F13A1: variants seen among roughly 807,000 people sequenced by gnomAD.
The protein encoded by F13A1 is coagulation factor XIII A chain.
In F13A1, 47 loss-of-function variants were observed where a neutral mutation model predicts 80.1. The ratio of observed to expected loss-of-function variants is 0.59; its 90% CI spans 0.46 to 0.75. The LOEUF is 0.75. Among genes scored for constraint, F13A1 ranks in the 30% least tolerant of loss-of-function variants. The pLI is 0.00. For synonymous variants in F13A1, 349 were observed against 344.9 expected (o/e 1.01, Z -0.13); for missense variants, 817 against 930.4 (o/e 0.88, Z 1.59).
chr6:6,240,536 C>T (rs1293284079), intron 6 of F13A1, among the ~76,000 whole-genome samples: 1 of 152,124 alleles, frequency 6.6e-6, no homozygotes, highest in East Asian at 1.9e-4. Context: ...AACTCATGAC[C>T]CACCCCCAGT....
At chr6:6,173,020 C>T (rs1760803212) in intron 12 of F13A1, among the ~76,000 whole-genome samples, 1 of 152,128 alleles carries the variant, frequency 6.6e-6, no homozygotes, top group African/African-American at 2.4e-5. Flanking sequence ...TATTTGTACA[C>T]TTTTCTCTTC....
Position 6,215,132 on chromosome 6 carries a change from A to G in F13A1, c.1112+6901T>C, listed in dbSNP as rs999264225. On this transcript the variant is annotated intron_variant, in intron 8 of 14. Transcript: ENST00000264870. ...AGGAACTGGTACCATTCTTTCTGAA[A>G]CTATTCCAATCAATAGAAAAAGAGG... Among the ~76,000 whole-genome samples, 48 of 127,094 alleles carry G rather than the reference A, an allele frequency of 3.8e-4. 1 individual carries two copies. In the East Asian group the frequency reaches 7.0e-3, roughly 18 times the overall value. The allele number at this position is 127,094 out of a possible 152,430, so 83.4% of individuals were successfully genotyped here.
intron 10 of F13A1, among the ~76,000 whole-genome samples, chr6:6,193,741 T>C (rs755639737): frequency 2.0e-5 from 3 of 152,168 alleles, no homozygotes; most frequent in Non-Finnish European, 2.9e-5. Flanking sequence ...TTCTCCTTCT[T>C]TGCAGCAATA....
rs148760233 is a variant in F13A1, at chr6:6,218,849, C to T, written c.1112+3184G>A. 2.3e-3 allele frequency among the ~76,000 whole-genome samples: 343 copies of T among 152,198 alleles called. 1 individual carries two copies. The highest frequency in any genetic ancestry group is 2.9e-3 in the Non-Finnish European group (200 of 68,008). On this transcript the variant is annotated intron_variant, in intron 8 of 14. Transcript: ENST00000264870. ...TGTCACTCCTGGCTCTGGAGTGTGG[C>T]GAGCAGAATACACCTCTCACACCCT...
In F13A1 at chr6:6,320,644, G is replaced by GT. The variant is rs1758763149; in HGVS notation, c.-77_-76insA. ...GTGGGCTTGCTCTGTGCGCCTCGGG[G>GT]ACTTCCTCAAACGGACTCGGGAAAG... On this transcript the variant is annotated 5_prime_UTR_variant, in exon 1 of 15. Coordinates refer to ENST00000264870, the MANE Select transcript of F13A1 (RefSeq NM_000129.4). The GT allele has an allele frequency of 4.3e-6, 2 of 470,330 alleles. No individual in the cohort carries two copies. Among genetic ancestry groups the GT allele is most frequent in the African/African-American group, 4.0e-5 (2 of 50,070 alleles). 29.1% of individuals were successfully genotyped at this position (470,330 alleles called of 1,614,324 possible).
intron 12 of F13A1, among the ~76,000 whole-genome samples, chr6:6,170,866 A>C (rs1452238237): frequency 6.6e-6 from 1 of 152,124 alleles, no homozygotes; most frequent in African/African-American, 2.4e-5. Context: ...TTCAATATAC[A>C]ATTTATTGGT....
intron 14 of F13A1, among the ~76,000 whole-genome samples, chr6:6,151,604 C>T (rs1002014297): frequency 2.0e-5 from 3 of 152,166 alleles, no homozygotes; most frequent in Non-Finnish European, 4.4e-5. Flanking sequence ...GTATCTACAT[C>T]GTAGGGTGTC....
intron 3 of F13A1, among the ~76,000 whole-genome samples, chr6:6,304,393 A>G (rs1758481116): frequency 2.0e-5 from 3 of 152,120 alleles, no homozygotes; most frequent in Admixed American, 2.0e-4. Context: ...CTGTGCATGT[A>G]TTTCCTTGAT....
chr6:6,213,701 A>T (rs1360180803), intron 8 of F13A1, among the ~76,000 whole-genome samples: 1 of 151,016 alleles, frequency 6.6e-6, no homozygotes, highest in Non-Finnish European at 1.5e-5. Context: ...AGGTAAATGG[A>T]CTAAATGCTC....
chr6:6,301,529 T>C (rs1407907910), intron 3 of F13A1, among the ~76,000 whole-genome samples: 2 of 152,246 alleles, frequency 1.3e-5, no homozygotes, highest in African/African-American at 4.8e-5. Flanking sequence ...TCATGGGTTC[T>C]GAAAGGTTTA....
At chr6:6,186,150 A>C (rs1761076943) in intron 10 of F13A1, among the ~76,000 whole-genome samples, 1 of 150,620 alleles carries the variant, frequency 6.6e-6, no homozygotes, top group South Asian at 2.2e-4. Context: ...AGGTTGCAAA[A>C]ATTTTCTCCC....
intron 9 of F13A1, 139 bp from the exon 10 acceptor site, chr6:6,196,024 C>G (rs1283401264): frequency 3.5e-6 from 3 of 845,778 alleles, no homozygotes; most frequent in African/African-American, 1.7e-5. Context: ...AGATGCTTTC[C>G]AAGGCTGAAG....
At chr6:6,178,222 T>A (rs1164683974) in intron 11 of F13A1, among the ~76,000 whole-genome samples, 1 of 152,118 alleles carries the variant, frequency 6.6e-6, no homozygotes, top group Non-Finnish European at 1.5e-5. Flanking sequence ...TAGCCCAAAC[T>A]AATAGCAGTA....
At chr6:6,292,506 C>T (rs1349128566) in intron 3 of F13A1, among the ~76,000 whole-genome samples, 4 of 152,212 alleles carry the variant, frequency 2.6e-5, no homozygotes, top group Non-Finnish European at 5.9e-5. Flanking sequence ...CATCTCCTCT[C>T]CTATCCTGAA....
At chr6:6,212,981 A>C (rs1365225696) in intron 8 of F13A1, among the ~76,000 whole-genome samples, 2 of 152,192 alleles carry the variant, frequency 1.3e-5, no homozygotes, top group East Asian at 1.9e-4. Context: ...TTTAGAGAAA[A>C]AAGAATAAAA....
chr6:6,266,443 C>T (rs1298302767), intron 4 of F13A1, 115 bp downstream of exon 4: 4 of 1,532,646 alleles, frequency 2.6e-6, no homozygotes, highest in Middle Eastern at 1.7e-4. Context: ...AACTCCTGGC[C>T]TCAAGCGATC....
chr6:6,176,262 G>T (rs191588077), intron 11 of F13A1, among the ~76,000 whole-genome samples: 58 of 152,318 alleles, frequency 3.8e-4, no homozygotes, highest in Admixed American at 2.3e-3. Context: ...AAAATGCAAT[G>T]GTGACTGAGA....
At chr6:6,299,081 C>G (rs1758379130) in intron 3 of F13A1, among the ~76,000 whole-genome samples, 1 of 144,972 alleles carries the variant, frequency 6.9e-6, no homozygotes, top group Non-Finnish European at 1.5e-5. Flanking sequence ...TTGGCCCCCA[C>G]TCTCTTCTGG....
intron 3 of F13A1, among the ~76,000 whole-genome samples, chr6:6,293,915 T>G (rs903708258): frequency 1.1e-4 from 17 of 152,100 alleles, no homozygotes; most frequent in Admixed American, 9.8e-4. Context: ...TCCAGTGTAC[T>G]AACATATCTC....
Sources: gnomAD v4.1 joint callset for allele counts (sites outside exome capture counted in the v4.1 genomes callset) on GRCh38, gnomAD v4.1.1 for gene constraint, MANE v1.5 for transcripts, NCBI Gene and HGNC (gene_info 2026-07-23, HGNC 2026-07-21) for gene names.